Variants in CPNE4 observed in about 807,000 individuals in gnomAD.
CPNE4 encodes copine-4.
A neutral mutation model predicts 67.9 loss-of-function variants in CPNE4; 25 were observed. The observed-to-expected ratio is 0.37, with a 90% CI of 0.27 to 0.51. The LOEUF (loss-of-function observed/expected upper bound fraction) is 0.51. Ranked by LOEUF, CPNE4 falls within the 20% of genes least tolerant of loss-of-function variation. The probability of loss-of-function intolerance (pLI) is 0.93; values close to 1 mark genes in which losing one functional copy is unlikely to be tolerated. For synonymous variants in CPNE4, 242 were observed against 244.9 expected (o/e 0.99, Z 0.11); for missense variants, 464 against 690.8 (o/e 0.67, Z 3.68).
At chr3:131,789,601 C>T (rs72985876) in intron 2 of CPNE4, among the ~76,000 whole-genome samples, 8,144 of 152,156 alleles carry the variant, frequency 0.054, 347 homozygotes, top group African/African-American at 0.12. Context: ...AAAGCAATAC[C>T]AGTACATGCT....
intron 7 of CPNE4, among the ~76,000 whole-genome samples, chr3:131,632,988 T>C (rs2079272758): frequency 6.6e-6 from 1 of 152,114 alleles, no homozygotes. Flanking sequence ...TGCTGTCTAC[T>C]CTAACTCTCC....
chr3:131,734,486 T>A (rs576787237), intron 2 of CPNE4, among the ~76,000 whole-genome samples: 113 of 152,264 alleles, frequency 7.4e-4, no homozygotes, highest in South Asian at 1.2e-3. Flanking sequence ...CCGCCTTGAA[T>A]ATAGGAGGAG....
At chr3:131,928,648 A>C (rs1560616804) in intron 1 of CPNE4, among the ~76,000 whole-genome samples, 1 of 152,214 alleles carries the variant, frequency 6.6e-6, no homozygotes, top group African/African-American at 2.4e-5. Context: ...CACCACAAGG[A>C]AACAGAACTG....
At chr3:131,680,858 A>T (rs1312781541) in intron 6 of CPNE4, among the ~76,000 whole-genome samples, 1 of 152,094 alleles carries the variant, frequency 6.6e-6, no homozygotes, top group African/African-American at 2.4e-5. Context: ...AGTCCATAGC[A>T]TCATTCTTAT....
intron 2 of CPNE4, among the ~76,000 whole-genome samples, chr3:131,785,996 C>T (rs953062618): frequency 4.6e-5 from 7 of 152,100 alleles, no homozygotes; most frequent in African/African-American, 9.7e-5. Flanking sequence ...TTTCTTCATT[C>T]TCTAATCAGG....
intron 2 of CPNE4, among the ~76,000 whole-genome samples, chr3:131,772,301 C>T (rs937651187): frequency 1.3e-5 from 2 of 152,102 alleles, no homozygotes; most frequent in Non-Finnish European, 2.9e-5. Flanking sequence ...AATGAATAAA[C>T]AGATTCAATA....
intron 12 of CPNE4, among the ~76,000 whole-genome samples, chr3:131,554,568 C>G (rs1559888156): frequency 6.6e-6 from 1 of 152,024 alleles, no homozygotes; most frequent in Non-Finnish European, 1.5e-5. Context: ...GGGAGACAAG[C>G]GATTCCATCC....
intron 1 of CPNE4, among the ~76,000 whole-genome samples, chr3:131,952,491 CAGGCCAGCCGCCCCA>C: frequency 2.0e-5 from 2 of 98,956 alleles, no homozygotes; most frequent in Admixed American, 9.3e-5. Context: ...AGCGCCCCGC[CAGGCCAGCCGCCCCA>C]TCCGGGAGGG....
chr3:131,666,040 CA>C (rs537325175), intron 7 of CPNE4, among the ~76,000 whole-genome samples: 17 of 151,810 alleles, frequency 1.1e-4, no homozygotes, highest in African/African-American at 3.6e-4. Flanking sequence ...ATGAAAAAAA[CA>C]GGTAAAATAT....
chr3:131,750,358 T>C (rs577297972), intron 2 of CPNE4, among the ~76,000 whole-genome samples: 47 of 152,282 alleles, frequency 3.1e-4, no homozygotes, highest in Non-Finnish European at 4.1e-4. Flanking sequence ...TACCATTTTA[T>C]TGTTTTTGTT....
At position 131,723,361 on chromosome 3, in the gene CPNE4, G is replaced by T. The variant is rs558767318; in HGVS notation, c.360+85C>A. On this transcript the variant is annotated intron_variant, in intron 3 of 15. Transcript: ENST00000429747. Reference sequence around the variant, plus strand: ...AATACAATCAATAGGAAAAAGCAAGGATTAGATGAAGGAAGAGAGGGAAAG... The same window carrying T: ...AATACAATCAATAGGAAAAAGCAAGTATTAGATGAAGGAAGAGAGGGAAAG... 2.6e-5 allele frequency: 32 copies of T among 1,223,240 alleles called. No individual in the cohort carries two copies. In the South Asian group the frequency reaches 4.1e-4, roughly 16 times the overall value. The allele number at this position is 1,223,240 out of a possible 1,614,324, so 75.8% of individuals were successfully genotyped here. A position where few individuals can be genotyped will look rare whatever the true frequency, so the allele number is the denominator to read the frequency against.
intron 3 of CPNE4, among the ~76,000 whole-genome samples, chr3:131,709,157 A>T (rs541796077): frequency 1.3e-5 from 2 of 151,520 alleles, no homozygotes; most frequent in African/African-American, 4.8e-5. Flanking sequence ...TTATCTCTCA[A>T]TGGTGGTGAT....
chr3:131,836,174 T>G (rs1201548064), intron 2 of CPNE4, among the ~76,000 whole-genome samples: 1 of 152,110 alleles, frequency 6.6e-6, no homozygotes, highest in Non-Finnish European at 1.5e-5. Context: ...AAAATGAAAC[T>G]GAGAGTTGAA....
At chr3:131,762,866 G>GT (rs1270015590) in intron 2 of CPNE4, among the ~76,000 whole-genome samples, 1 of 149,184 alleles carries the variant, frequency 6.7e-6, no homozygotes, top group Admixed American at 6.7e-5. Flanking sequence ...GGTTTATTAT[G>GT]GTTTTTTTTC....
At chr3:131,959,296 G>A (rs61793601) in intron 1 of CPNE4, among the ~76,000 whole-genome samples, 46,161 of 105,644 alleles carry the variant, frequency 0.44, 10,732 homozygotes, top group East Asian at 0.52. Flanking sequence ...CACCGCGCCC[G>A]GCCGATACAC....
chr3:131,723,149 T>G (rs899347328), intron 3 of CPNE4, among the ~76,000 whole-genome samples: 38 of 152,132 alleles, frequency 2.5e-4, no homozygotes, highest in African/African-American at 8.7e-4. Context: ...GAAAAGAGCA[T>G]AGTGCCAGAC....
intron 3 of CPNE4, among the ~76,000 whole-genome samples, chr3:131,702,220 A>G (rs545587194): frequency 2.0e-5 from 3 of 152,306 alleles, no homozygotes; most frequent in Admixed American, 6.5e-5. Flanking sequence ...CAACAATGAT[A>G]GCAATGTAGC....
intron 1 of CPNE4, among the ~76,000 whole-genome samples, chr3:131,936,159 A>C (rs2071212345): frequency 6.6e-6 from 1 of 151,970 alleles, no homozygotes; most frequent in Non-Finnish European, 1.5e-5. Context: ...CTCCATTTTT[A>C]CTGGGACTAG....
chr3:131,765,162 A>G (rs1303402052), intron 2 of CPNE4, among the ~76,000 whole-genome samples: 1 of 152,114 alleles, frequency 6.6e-6, no homozygotes, highest in East Asian at 1.9e-4. Context: ...CAAAGGGATC[A>G]AGGCTTCCTT....
Sources: gnomAD v4.1 joint callset for allele counts (sites outside exome capture counted in the v4.1 genomes callset) on GRCh38, gnomAD v4.1.1 for gene constraint, MANE v1.5 for transcripts, NCBI Gene and HGNC (gene_info 2026-07-23, HGNC 2026-07-21) for gene names.